The following TM7SF3 variants were observed in gnomAD, a reference collection of about 807,000 sequenced individuals.
The protein encoded by TM7SF3 is seven span transmembrane protein.
In TM7SF3, 60 loss-of-function variants were observed where a neutral mutation model predicts 65.5. The ratio of observed to expected loss-of-function variants is 0.92; its 90% CI spans 0.74 to 1.14. The LOEUF is 1.14. Ranked by LOEUF, TM7SF3 falls within the 50% of genes most tolerant of loss-of-function variation. TM7SF3 has a pLI of 0.00. For missense variants in TM7SF3, 623 were observed against 684.8 expected (o/e 0.91, Z 1.01); for synonymous variants, 264 against 259.6 (o/e 1.02, Z -0.16).
At chr12:26,990,903 G>C (rs550549890) in intron 5 of TM7SF3, among the ~76,000 whole-genome samples, 1 of 152,046 alleles carries the variant, frequency 6.6e-6, no homozygotes, top group Non-Finnish European at 1.5e-5. Flanking sequence ...TTACGACCAT[G>C]AAAAAAGTTT....
Position 26,985,196 on chromosome 12 carries a change from C to T in TM7SF3, c.869-2337G>A, listed in dbSNP as rs556357273. On this transcript the variant is annotated intron_variant, in intron 6 of 11. Coordinates refer to ENST00000343028, the MANE Select transcript of TM7SF3 (RefSeq NM_016551.3). ...TGGAGGAACCCAGACATACTTCAGT[C>T]CATCGGTTAAAAATATATGGCCAGG... 4.6e-5 allele frequency among the ~76,000 whole-genome samples: 7 copies of T among 152,192 alleles called. No individual in the cohort carries two copies. The East Asian group carries it at 1.4e-3, about 29-fold the overall frequency.
intron 2 of TM7SF3, 63 bp downstream of exon 2, chr12:27,003,173 T>A: frequency 8.5e-7 from 1 of 1,171,204 alleles, no homozygotes; most frequent in Non-Finnish European, 1.2e-6. Context: ...CTAATGCTCA[T>A]ACTAAATACC....
intron 1 of TM7SF3, among the ~76,000 whole-genome samples, chr12:27,009,835 A>T (rs1030643198): frequency 3.3e-5 from 5 of 149,582 alleles, no homozygotes; most frequent in Admixed American, 2.8e-4. Context: ...GCAAAGGATA[A>T]ATATGTATTT....
chr12:27,014,018 G>T, intron 1 of TM7SF3, 60 bp downstream of exon 1: 1 of 1,428,902 alleles, frequency 7.0e-7, no homozygotes. Flanking sequence ...GGCGGATTTT[G>T]ACCTCGCAAG....
intron 6 of TM7SF3, among the ~76,000 whole-genome samples, chr12:26,985,806 G>GTT (rs149988617): frequency 0.062 from 3,290 of 52,814 alleles, 610 homozygotes; most frequent in Non-Finnish European, 0.08. Flanking sequence ...TTTCTTTTTC[G>GTT]TTTTTTTTTT....
At chr12:26,974,656 C>T (rs1939495293) in intron 11 of TM7SF3, among the ~76,000 whole-genome samples, 1 of 152,176 alleles carries the variant, frequency 6.6e-6, no homozygotes, top group Non-Finnish European at 1.5e-5. Flanking sequence ...TGGGGCCCTA[C>T]TGCACTCACA....
intron 2 of TM7SF3, among the ~76,000 whole-genome samples, chr12:27,000,418 A>C (rs978689671): frequency 6.6e-6 from 1 of 152,150 alleles, no homozygotes; most frequent in African/African-American, 2.4e-5. Flanking sequence ...GTACCTTTTA[A>C]ATTGTGTTAT....
Position 27,014,254 on chromosome 12 carries a change from A to T in TM7SF3, c.-86T>A, listed in dbSNP as rs968407295. ...GGGGCCCCGCAGCCTCGCCCACGCT[A>T]TCCCGGGGCGCCCGCATCGGGCGCC... On this transcript the variant is annotated 5_prime_UTR_variant, in exon 1 of 12. It removes the in-frame stop codon of an upstream open reading frame in the 5' UTR. Coordinates refer to ENST00000343028, the MANE Select transcript of TM7SF3 (RefSeq NM_016551.3). 338 of 1,264,472 alleles carry T rather than the reference A, an allele frequency of 2.7e-4. 2 individuals are homozygous for T. The highest frequency in any genetic ancestry group is 3.9e-4 in the Admixed American group (11 of 28,406). The allele number at this position is 1,264,472 out of a possible 1,614,324, so 78.3% of individuals were successfully genotyped here. A position where few individuals can be genotyped will look rare whatever the true frequency, so the allele number is the denominator to read the frequency against.
At chr12:26,995,463 A>G (rs1940553274) in intron 4 of TM7SF3, 55 bp from the exon 5 acceptor site, 1 of 1,580,638 alleles carries the variant, frequency 6.3e-7, no homozygotes, top group Non-Finnish European at 8.6e-7. Context: ...AGTCCCATCT[A>G]TAAAAAGGAA....
In TM7SF3 at chr12:27,014,210, A is replaced by T; in HGVS notation, c.-42T>A. 1.9e-6 allele frequency: 3 copies of T among 1,541,458 alleles called. No individual in the cohort carries two copies. Among genetic ancestry groups the T allele is most frequent in the Non-Finnish European group, 2.6e-6 (3 of 1,140,444 alleles). ...CTGGGCCCACGCCAGGGCTGGGGAG[A>T]GGTGCGGGCGTGCGCGCCGGGGCCC... On this transcript the variant is annotated 5_prime_UTR_variant, in exon 1 of 12. Transcript: ENST00000343028.
At chr12:26,999,051 T>G (rs1940718008) in intron 3 of TM7SF3, among the ~76,000 whole-genome samples, 1 of 152,224 alleles carries the variant, frequency 6.6e-6, no homozygotes, top group Non-Finnish European at 1.5e-5. Context: ...CATGTTCTCC[T>G]AGTCACTACC....
intron 1 of TM7SF3, among the ~76,000 whole-genome samples, chr12:27,003,874 G>A (rs1451246955): frequency 6.6e-6 from 1 of 152,172 alleles, no homozygotes; most frequent in Non-Finnish European, 1.5e-5. Context: ...TTTTAGGCAC[G>A]TTCCTTAAAT....
chr12:27,013,641 GCC>G (rs1941331463), intron 1 of TM7SF3, among the ~76,000 whole-genome samples: 1 of 152,068 alleles, frequency 6.6e-6, no homozygotes, highest in Admixed American at 6.5e-5. Flanking sequence ...AGTTTGAAAA[GCC>G]TCTAGATTTG....
chr12:26,991,398 C>T (rs1353539148), intron 5 of TM7SF3, among the ~76,000 whole-genome samples: 3 of 151,316 alleles, frequency 2.0e-5, no homozygotes, highest in Non-Finnish European at 2.9e-5. Context: ...ATGATCCACC[C>T]GCCTCGGCCT....
At chr12:26,976,443 A>G in intron 9 of TM7SF3, 86 bp from the exon 10 acceptor site, 7 of 822,818 alleles carry the variant, frequency 8.5e-6, no homozygotes, top group Non-Finnish European at 1.2e-5. Context: ...ACAGATATAC[A>G]TCAAAGCCTT....
chr12:27,009,694 G>A (rs1252947043), intron 1 of TM7SF3, among the ~76,000 whole-genome samples: 1 of 152,036 alleles, frequency 6.6e-6, no homozygotes, highest in African/African-American at 2.4e-5. Context: ...CACAGCACCC[G>A]ACCCTGCTTT....
chr12:26,979,901 C>T lies in TM7SF3; in HGVS notation c.1072G>A (p.Gly358Ser), dbSNP rs759438192. ...CACACAGCTACCAAGAACATTCCAC[C>T]GACGCTTCCAGTGACAGCTGTCAGA... is the stretch of plus-strand genomic sequence containing the variant. The part of the protein sequence containing the change: ...LILTAVTGSV[G>S]GMFLVAVWWR... Residue 358 changes from glycine (G) to serine (S), a missense_variant, in exon 9 of 12, where the codon GGT becomes AGT. Transcript: ENST00000343028. 1.4e-5 allele frequency: 23 copies of T among 1,614,008 alleles called. No individual in the cohort carries two copies. The highest frequency in any genetic ancestry group is 3.3e-5 in the Admixed American group (2 of 59,990).
At chr12:26,982,908 T>C (rs1666640903) in intron 6 of TM7SF3, 49 bp from the exon 7 acceptor site, 1 of 1,317,608 alleles carries the variant, frequency 7.6e-7, no homozygotes, top group Non-Finnish European at 1.0e-6. Context: ...TTTGATACTT[T>C]GTATTAATAT....
intron 5 of TM7SF3, among the ~76,000 whole-genome samples, chr12:26,991,177 G>A (rs960062138): frequency 4.7e-5 from 6 of 126,720 alleles, no homozygotes; most frequent in African/African-American, 1.5e-4. Flanking sequence ...ACGGAGTCTC[G>A]CTCTGTCGCC....
Sources: allele counts gnomAD v4.1 joint callset (sites outside exome capture counted in the v4.1 genomes callset), GRCh38; gene constraint gnomAD v4.1.1; transcripts MANE v1.5; gene names NCBI Gene and HGNC (gene_info 2026-07-23, HGNC 2026-07-21).